Variants in ST6GALNAC5 observed in about 807,000 individuals in gnomAD.
The protein encoded by ST6GALNAC5 is alpha-N-acetylgalactosaminide alpha-2,6-sialyltransferase 5.
ST6GALNAC5 carries 27 observed loss-of-function variants against 33.6 expected under a neutral mutation model. The ratio of observed to expected loss-of-function variants is 0.80; its 90% CI spans 0.59 to 1.11. The LOEUF (loss-of-function observed/expected upper bound fraction) is 1.11, where lower values mean the gene tolerates loss of function less well. ST6GALNAC5 is among the 50% of genes least tolerant of loss of function. The probability of loss-of-function intolerance (pLI) is 0.00; values close to 1 mark genes in which losing one functional copy is unlikely to be tolerated. For missense variants in ST6GALNAC5, 428 were observed against 454.0 expected (o/e 0.94, Z 0.52); for synonymous variants, 194 against 171.2 (o/e 1.13, Z -1.04).
At chr1:76,892,183 A>C (rs924824994) in intron 2 of ST6GALNAC5, among the ~76,000 whole-genome samples, 1 of 152,224 alleles carries the variant, frequency 6.6e-6, no homozygotes, top group Non-Finnish European at 1.5e-5. Flanking sequence ...CAACTTGTAC[A>C]TGACAGTCTC....
intron 2 of ST6GALNAC5, among the ~76,000 whole-genome samples, chr1:76,960,116 A>G (rs2100348682): frequency 6.6e-6 from 1 of 152,312 alleles, no homozygotes; most frequent in East Asian, 1.9e-4. Context: ...GGGAAAATTC[A>G]GCCAGATATC....
chr1:76,970,479 A>G (rs1480772976), intron 2 of ST6GALNAC5, among the ~76,000 whole-genome samples: 1 of 152,038 alleles, frequency 6.6e-6, no homozygotes, highest in African/African-American at 2.4e-5. Flanking sequence ...AATTTAATGA[A>G]ATAAAGCGAG....
At position 76,985,672 on chromosome 1, in the gene ST6GALNAC5, G is replaced by A. The variant is rs115735856; in HGVS notation, c.262-58532G>A. ...TGGAAAACTACTTTAAAGTTCATAT[G>A]AAGCAAAAAAGAGCCCGCATTGCCA... On this transcript the variant is annotated intron_variant, in intron 2 of 4. Coordinates refer to ENST00000477717, the MANE Select transcript of ST6GALNAC5 (RefSeq NM_030965.3). Among the ~76,000 whole-genome samples, 1,056 of 152,134 alleles carry A rather than the reference G, an allele frequency of 6.9e-3. 12 individuals are homozygous for A. Among genetic ancestry groups the A allele is most frequent in the African/African-American group, 0.024 (1,013 of 41,516 alleles).
At chr1:76,969,036 G>A (rs75609622) in intron 2 of ST6GALNAC5, among the ~76,000 whole-genome samples, 1 of 151,870 alleles carries the variant, frequency 6.6e-6, no homozygotes, top group African/African-American at 2.4e-5. Flanking sequence ...TTCAACCTTG[G>A]AGAATCTGAT....
intron 2 of ST6GALNAC5, among the ~76,000 whole-genome samples, chr1:77,036,013 C>T (rs1405171356): frequency 6.6e-6 from 1 of 152,110 alleles, no homozygotes; most frequent in Non-Finnish European, 1.5e-5. Flanking sequence ...ATCCAATGTA[C>T]ATCGAATGAT....
chr1:77,018,372 G>A (rs1330530484), intron 2 of ST6GALNAC5, among the ~76,000 whole-genome samples: 2 of 152,132 alleles, frequency 1.3e-5, no homozygotes, highest in South Asian at 2.1e-4. Context: ...CACCATGCAC[G>A]AGGCACTGTG....
chr1:77,055,380 T>G (rs1347531053), intron 4 of ST6GALNAC5, among the ~76,000 whole-genome samples: 1 of 152,252 alleles, frequency 6.6e-6, no homozygotes, highest in African/African-American at 2.4e-5. Context: ...CCACTGGCTC[T>G]TTACTAATAA....
In ST6GALNAC5 at chr1:77,055,738, C is replaced by A. The variant is rs536205382; in HGVS notation, c.779+5373C>A. 2.6e-5 allele frequency among the ~76,000 whole-genome samples: 4 copies of A among 152,286 alleles called. No individual in the cohort carries two copies. The South Asian group carries it at 6.2e-4, about 24-fold the overall frequency. ...GGGCATCCCTCTTCCTCTGCCTTGC[C>A]CCATCTCACTGATTGGTTTGTCCAT... is the stretch of plus-strand genomic sequence containing the variant. On this transcript the variant is annotated intron_variant, in intron 4 of 4. Coordinates refer to ENST00000477717, the MANE Select transcript of ST6GALNAC5 (RefSeq NM_030965.3).
chr1:77,050,653 A>T (rs892123339), intron 4 of ST6GALNAC5, among the ~76,000 whole-genome samples: 1 of 152,266 alleles, frequency 6.6e-6, no homozygotes, highest in Non-Finnish European at 1.5e-5. Flanking sequence ...AATATTAACG[A>T]TGAACAAGCA....
At chr1:76,951,358 T>C (rs183117676) in intron 2 of ST6GALNAC5, among the ~76,000 whole-genome samples, 2 of 152,212 alleles carry the variant, frequency 1.3e-5, no homozygotes, top group African/African-American at 4.8e-5. Flanking sequence ...TGTTTAAAAA[T>C]GTGTGTGTGT....
At chr1:76,877,034 G>A (rs935872246) in intron 2 of ST6GALNAC5, among the ~76,000 whole-genome samples, 1 of 152,166 alleles carries the variant, frequency 6.6e-6, no homozygotes, top group Non-Finnish European at 1.5e-5. Context: ...ATGTTGCTGT[G>A]CAAAACCCGC....
intron 2 of ST6GALNAC5, among the ~76,000 whole-genome samples, chr1:77,043,933 G>T (rs112390265): frequency 6.6e-6 from 1 of 152,114 alleles, no homozygotes; most frequent in Non-Finnish European, 1.5e-5. Flanking sequence ...TTGATGTGTC[G>T]ATTTGGTTAT....
intron 3 of ST6GALNAC5, among the ~76,000 whole-genome samples, chr1:77,045,620 A>G (rs1336110063): frequency 6.6e-6 from 1 of 152,240 alleles, no homozygotes; most frequent in Admixed American, 6.5e-5. Context: ...AAAGATGTAC[A>G]TAAGCTGAGA....
chr1:76,966,128 A>T (rs1648465152), intron 2 of ST6GALNAC5, among the ~76,000 whole-genome samples: 1 of 152,002 alleles, frequency 6.6e-6, no homozygotes, highest in South Asian at 2.1e-4. Context: ...GTTGTTTCCA[A>T]TTCTATGAAA....
At chr1:77,029,367 C>T (rs549817667) in intron 2 of ST6GALNAC5, among the ~76,000 whole-genome samples, 2 of 152,210 alleles carry the variant, frequency 1.3e-5, no homozygotes, top group Non-Finnish European at 2.9e-5. Context: ...TCTACTATGT[C>T]TCATCCAAAC....
intron 2 of ST6GALNAC5, among the ~76,000 whole-genome samples, chr1:76,901,620 G>A (rs2100266175): frequency 6.6e-6 from 1 of 152,312 alleles, no homozygotes; most frequent in East Asian, 1.9e-4. Context: ...AAGGCCTTTT[G>A]CGTGAGAAAT....
intron 2 of ST6GALNAC5, among the ~76,000 whole-genome samples, chr1:76,900,200 G>A (rs1486606913): frequency 6.6e-6 from 1 of 152,118 alleles, no homozygotes; most frequent in Non-Finnish European, 1.5e-5. Context: ...CAGTAGGGGA[G>A]ATTTTGAGCC....
chr1:76,942,637 T>C (rs1053241136), intron 2 of ST6GALNAC5, among the ~76,000 whole-genome samples: 1 of 151,962 alleles, frequency 6.6e-6, no homozygotes, highest in African/African-American at 2.4e-5. Context: ...GACTCTGGAG[T>C]TGGTGTTGCC....
At chr1:76,938,043 A>C (rs1255769686) in intron 2 of ST6GALNAC5, among the ~76,000 whole-genome samples, 2 of 152,068 alleles carry the variant, frequency 1.3e-5, no homozygotes, top group Admixed American at 6.6e-5. Flanking sequence ...GATCATTAGA[A>C]AGGTAGAAAG....
Sources: gnomAD v4.1 joint callset for allele counts (sites outside exome capture counted in the v4.1 genomes callset) on GRCh38, gnomAD v4.1.1 for gene constraint, MANE v1.5 for transcripts, NCBI Gene and HGNC (gene_info 2026-07-23, HGNC 2026-07-21) for gene names.